The following GNA14 variants were observed in gnomAD, a reference collection of about 807,000 sequenced individuals.
GNA14 encodes the protein guanine nucleotide-binding protein subunit alpha-14.
A neutral mutation model predicts 42.0 loss-of-function variants in GNA14; 50 were observed. That is an observed-to-expected ratio of 1.19 (90% CI 0.95 to 1.51). GNA14 has a LOEUF of 1.51. Ranked by LOEUF, GNA14 falls within the 40% of genes most tolerant of loss-of-function variation. GNA14 has a pLI of 0.00. For missense variants in GNA14, 473 were observed against 446.2 expected (o/e 1.06, Z -0.54); for synonymous variants, 173 against 163.1 (o/e 1.06, Z -0.46).
intron 1 of GNA14, among the ~76,000 whole-genome samples, chr9:77,575,133 C>A (rs1024043274): frequency 6.6e-6 from 1 of 152,314 alleles, no homozygotes; most frequent in East Asian, 1.9e-4. Flanking sequence ...TTGACCCAGA[C>A]AAGGAGCGGA....
rs917524761 is a variant in GNA14, at chr9:77,479,498, T to C, written c.310-44976A>G. Among the ~76,000 whole-genome samples, 12 of 152,286 alleles carry C rather than the reference T, an allele frequency of 7.9e-5. No individual in the cohort carries two copies. The East Asian group carries it at 9.7e-4, about 12-fold the overall frequency. Reference sequence around the variant, plus strand: ...TTCTTTTGGCTTAGGATTGACTTGGTGATGCGGGCTCTTTTTTGGTTCCAT... The same window carrying C: ...TTCTTTTGGCTTAGGATTGACTTGGCGATGCGGGCTCTTTTTTGGTTCCAT... On this transcript the variant is annotated intron_variant, in intron 2 of 6. Coordinates refer to ENST00000341700, the MANE Select transcript of GNA14 (RefSeq NM_004297.4).
At chr9:77,483,027 G>C (rs945731574) in intron 2 of GNA14, among the ~76,000 whole-genome samples, 8 of 152,108 alleles carry the variant, frequency 5.3e-5, no homozygotes, top group African/African-American at 1.9e-4. Context: ...AGAGTAGTTT[G>C]ATCGTCTGAA....
At chr9:77,445,567 A>AG (rs1835802437) in intron 2 of GNA14, among the ~76,000 whole-genome samples, 2 of 148,146 alleles carry the variant, frequency 1.4e-5, no homozygotes, top group Non-Finnish European at 2.9e-5. Context: ...AAAAAAAAAA[A>AG]AAAAAAGAAA....
At chr9:77,431,023 TTTGTGTGTGTGTGTG>T (rs1436413360) in intron 4 of GNA14, among the ~76,000 whole-genome samples, 44 of 111,602 alleles carry the variant, frequency 3.9e-4, no homozygotes, top group Admixed American at 1.3e-3. Flanking sequence ...GAAGTATACA[TTTGTGTGTGTGTGTG>T]TGTGTGTGTG....
intron 1 of GNA14, among the ~76,000 whole-genome samples, chr9:77,569,240 T>C (rs563456906): frequency 3.4e-4 from 52 of 152,148 alleles, no homozygotes; most frequent in Non-Finnish European, 6.5e-4. Flanking sequence ...AATATATGTT[T>C]CAAGCATGCT....
intron 2 of GNA14, among the ~76,000 whole-genome samples, chr9:77,504,375 C>T (rs1267026446): frequency 1.3e-5 from 2 of 152,100 alleles, no homozygotes; most frequent in Non-Finnish European, 2.9e-5. Flanking sequence ...ATTTAGCCTG[C>T]AGGGCAAGCT....
chr9:77,522,343 G>A (rs576236254), intron 2 of GNA14, among the ~76,000 whole-genome samples: 22 of 152,182 alleles, frequency 1.4e-4, no homozygotes, highest in Non-Finnish European at 1.8e-4. Context: ...CTCTGGGCAT[G>A]AGGCTGTGCT....
chr9:77,578,084 G>A (rs1340646984), intron 1 of GNA14, among the ~76,000 whole-genome samples: 4 of 118,752 alleles, frequency 3.4e-5, no homozygotes, highest in Non-Finnish European at 6.3e-5. Context: ...TAGCCAACAT[G>A]GTGAAATGGT....
At chr9:77,632,627 G>A (rs544758398) in intron 1 of GNA14, among the ~76,000 whole-genome samples, 2 of 152,150 alleles carry the variant, frequency 1.3e-5, no homozygotes, top group South Asian at 2.1e-4. Flanking sequence ...GGGCCCTAAG[G>A]TTCCTGGAGT....
At position 77,443,781 on chromosome 9, in the gene GNA14, G is replaced by A. The variant is rs186981010; in HGVS notation, c.310-9259C>T. ...TTAAAGCCAGAAGTTCGAGACCAGC[G>A]TAGGCAAAAAAACAAGACCCACATC... On this transcript the variant is annotated intron_variant, in intron 2 of 6. Coordinates refer to ENST00000341700, the MANE Select transcript of GNA14 (RefSeq NM_004297.4). Among the ~76,000 whole-genome samples the A allele has an allele frequency of 3.9e-5, 6 of 152,118 alleles. 1 individual carries two copies. The highest frequency in any genetic ancestry group is 3.3e-4 in the Admixed American group (5 of 15,278).
At chr9:77,478,390 G>A (rs1836473320) in intron 2 of GNA14, among the ~76,000 whole-genome samples, 1 of 152,170 alleles carries the variant, frequency 6.6e-6, no homozygotes, top group Non-Finnish European at 1.5e-5. Flanking sequence ...GTATTCCATG[G>A]AGTATATGTG....
chr9:77,435,246 A>T (rs1473275425), intron 2 of GNA14, among the ~76,000 whole-genome samples: 1 of 151,908 alleles, frequency 6.6e-6, no homozygotes. Context: ...AATCCCAGCT[A>T]CTCAGGAGGC....
At chr9:77,450,142 A>G (rs1587768057) in intron 2 of GNA14, among the ~76,000 whole-genome samples, 1 of 152,078 alleles carries the variant, frequency 6.6e-6, no homozygotes, top group Non-Finnish European at 1.5e-5. Flanking sequence ...GGCTGGTGGG[A>G]CTAAATAAAT....
intron 1 of GNA14, among the ~76,000 whole-genome samples, chr9:77,601,763 A>C (rs537072170): frequency 1.6e-4 from 24 of 152,342 alleles, no homozygotes; most frequent in Admixed American, 1.0e-3. Flanking sequence ...GGGCAGTCCC[A>C]TCTGACGGAA....
intron 1 of GNA14, chr9:77,580,724 G>A (rs1384236346): frequency 1.3e-5 from 3 of 222,876 alleles, no homozygotes; most frequent in Non-Finnish European, 2.9e-5. Context: ...ATACACAAAT[G>A]AGCAGGGCCA....
Position 77,423,850 on chromosome 9 carries a change from C to A in GNA14, c.*129G>T. Reference sequence around the variant, plus strand: ...CAAGTTCCATCACCCATCTCTGTCCCCACGATCTACATGACATCCTTAGTT... The same window carrying A: ...CAAGTTCCATCACCCATCTCTGTCCACACGATCTACATGACATCCTTAGTT... On this transcript the variant is annotated 3_prime_UTR_variant, in exon 7 of 7. Transcript: ENST00000341700. 1 of 515,372 alleles carries A rather than the reference C, an allele frequency of 1.9e-6. No individual in the cohort carries two copies. Among genetic ancestry groups the A allele is most frequent in the East Asian group, 3.2e-5 (1 of 30,938 alleles). 31.9% of individuals were successfully genotyped at this position (515,372 alleles called of 1,614,324 possible).
chr9:77,600,833 C>T (rs140589527), intron 1 of GNA14, among the ~76,000 whole-genome samples: 3,359 of 152,274 alleles, frequency 0.022, 141 homozygotes, highest in African/African-American at 0.077. Flanking sequence ...GCAGGAGAAT[C>T]GCTTGAACCC....
intron 2 of GNA14, among the ~76,000 whole-genome samples, chr9:77,468,312 G>A (rs567152829): frequency 2.0e-5 from 3 of 152,142 alleles, no homozygotes; most frequent in Admixed American, 1.3e-4. Flanking sequence ...TAGAGGCTTC[G>A]AATAGTTGTT....
chr9:77,620,797 A>G (rs1823908262), intron 1 of GNA14, among the ~76,000 whole-genome samples: 2 of 147,980 alleles, frequency 1.4e-5, no homozygotes, highest in African/African-American at 2.5e-5. Context: ...GCAGTGAGCC[A>G]AGATCACACC....
Sources: gnomAD v4.1 joint callset for allele counts (sites outside exome capture counted in the v4.1 genomes callset) on GRCh38, gnomAD v4.1.1 for gene constraint, MANE v1.5 for transcripts, NCBI Gene and HGNC (gene_info 2026-07-23, HGNC 2026-07-21) for gene names.